Variants in GDAP1 observed in about 807,000 individuals in gnomAD.
GDAP1 encodes ganglioside induced differentiation associated protein 1.
A neutral mutation model predicts 40.1 loss-of-function variants in GDAP1; 34 were observed. The ratio of observed to expected loss-of-function variants is 0.85; its 90% confidence interval spans 0.64 to 1.13. The LOEUF (loss-of-function observed/expected upper bound fraction) is 1.13. GDAP1 is among the 50% of genes most tolerant of loss of function. GDAP1 has a pLI of 0.00. For missense variants in GDAP1, 374 were observed against 433.7 expected, an observed-to-expected ratio of 0.86 and a Z score of 1.22; for synonymous variants, 170 against 157.4, an observed-to-expected ratio of 1.08 and a Z score of -0.60.
chr8:74,437,836 C>T (rs1806111920), intron 2 of GDAP1, among the ~76,000 whole-genome samples: 2 of 152,048 alleles, frequency 1.3e-5, no homozygotes, highest in Admixed American at 6.6e-5. Flanking sequence ...TATGAATATA[C>T]TCGAATATAT....
intron 2 of GDAP1, among the ~76,000 whole-genome samples, chr8:74,441,241 C>T (rs1387633183): frequency 1.3e-5 from 2 of 152,128 alleles, no homozygotes; most frequent in Non-Finnish European, 2.9e-5. Context: ...CACTTTCCTT[C>T]AGGACATTGT....
chr8:74,440,545 A>G (rs1040217090), intron 2 of GDAP1, among the ~76,000 whole-genome samples: 1 of 150,840 alleles, frequency 6.6e-6, no homozygotes, highest in Non-Finnish European at 1.5e-5. Context: ...TATCTCTCGT[A>G]TTATTGAGTC....
chr8:74,373,501 TTTA>T (rs1367600570), intron 2 of GDAP1, among the ~76,000 whole-genome samples: 13 of 152,198 alleles, frequency 8.5e-5, no homozygotes, highest in African/African-American at 2.9e-4. Flanking sequence ...TCCTAGGTAT[TTTA>T]TTCTCTTTGA....
At chr8:74,360,104 T>C in intron 2 of GDAP1, 33 bp from the exon 3 acceptor site, 3 of 1,558,110 alleles carry the variant, frequency 1.9e-6, no homozygotes, top group Non-Finnish European at 2.7e-6. Flanking sequence ...CATGTGTAAC[T>C]TTTTCTTCAA....
downstream of GDAP1, among the ~76,000 whole-genome samples, chr8:74,370,171 G>T (rs1809724091): frequency 6.6e-6 from 1 of 152,136 alleles, no homozygotes; most frequent in Admixed American, 6.5e-5. Flanking sequence ...CAAATAATGG[G>T]TACATATAAA....
At chr8:74,395,475 A>G (rs1206747678) in intron 2 of GDAP1, among the ~76,000 whole-genome samples, 4 of 152,172 alleles carry the variant, frequency 2.6e-5, no homozygotes, top group Non-Finnish European at 4.4e-5. Flanking sequence ...GAAATAATCA[A>G]TCCCTTTGTA....
intron 2 of GDAP1, among the ~76,000 whole-genome samples, chr8:74,458,143 A>G (rs769364582): frequency 6.6e-5 from 10 of 152,108 alleles, no homozygotes; most frequent in Non-Finnish European, 1.5e-4. Flanking sequence ...CTATTCTTAA[A>G]GAATTTTATT....
In GDAP1 at chr8:74,364,641, A is replaced by G; in HGVS notation, c.*274A>G. 2 of 561,288 alleles carry G rather than the reference A, an allele frequency of 3.6e-6. No individual in the cohort carries two copies. Among genetic ancestry groups the G allele is most frequent in the East Asian group, 8.3e-5 (2 of 24,154 alleles). 34.8% of individuals were successfully genotyped at this position (561,288 alleles called of 1,614,324 possible). On this transcript the variant is annotated 3_prime_UTR_variant, in exon 6 of 6. Transcript: ENST00000220822. ...AGTCTGTATAGGGTAGAGCAATAGAAAGTAAGCTTCGGGTGCCTCCAACGT... is the reference window on the plus strand; with the variant it reads ...AGTCTGTATAGGGTAGAGCAATAGAGAGTAAGCTTCGGGTGCCTCCAACGT...
chr8:74,422,489 C>T (rs1057504025), intron 2 of GDAP1, among the ~76,000 whole-genome samples: 3 of 72,834 alleles, frequency 4.1e-5, no homozygotes, highest in Non-Finnish European at 7.7e-5. Flanking sequence ...TCCCTCCCTC[C>T]TTTCTCCTTC....
chr8:74,446,315 A>G, intron 2 of GDAP1, among the ~76,000 whole-genome samples: 1 of 152,130 alleles, frequency 6.6e-6, no homozygotes, highest in Non-Finnish European at 1.5e-5. Context: ...AACAGAAAAA[A>G]TCCTTTTCTT....
At chr8:74,465,765 T>C (rs1363238733) in intron 2 of GDAP1, among the ~76,000 whole-genome samples, 2 of 143,514 alleles carry the variant, frequency 1.4e-5, no homozygotes, top group South Asian at 2.4e-4. Context: ...TTCAGTTCTT[T>C]AATCACACCA....
At chr8:74,353,789 A>G (rs1285305283) in intron 2 of GDAP1, among the ~76,000 whole-genome samples, 2 of 152,208 alleles carry the variant, frequency 1.3e-5, no homozygotes, top group Non-Finnish European at 2.9e-5. Flanking sequence ...GAATACTGCT[A>G]TAAATTAGTG....
At chr8:74,360,979 C>T (rs1809332765) in intron 3 of GDAP1, among the ~76,000 whole-genome samples, 1 of 152,092 alleles carries the variant, frequency 6.6e-6, no homozygotes, top group Admixed American at 6.5e-5. Context: ...CCATGTGTTC[C>T]CCATTATGTG....
intron 2 of GDAP1, among the ~76,000 whole-genome samples, chr8:74,484,851 A>T (rs1040422603): frequency 4.4e-4 from 67 of 152,180 alleles, no homozygotes; most frequent in African/African-American, 1.4e-3. Context: ...TATCCCCTAT[A>T]CAGTAAGTCA....
intron 2 of GDAP1, among the ~76,000 whole-genome samples, chr8:74,482,119 T>TTG (rs1491520772): frequency 7.1e-5 from 5 of 70,754 alleles, no homozygotes; most frequent in Non-Finnish European, 1.2e-4. Flanking sequence ...GGTTTTTTTT[T>TTG]GGGGGGGGGG....
chr8:74,463,068 A>G (rs1252104739), intron 2 of GDAP1, among the ~76,000 whole-genome samples: 3 of 61,518 alleles, frequency 4.9e-5, no homozygotes, highest in Non-Finnish European at 1.0e-4. Context: ...TTAAGGCAAT[A>G]AGTTACGGCA....
rs1280403305 is a variant in GDAP1 at position 74,410,449 on chromosome 8, A to C, written c.165+59128A>C. On this transcript the variant is annotated intron_variant, in intron 2 of 2. Transcript: ENST00000523640. The stretch of plus-strand genomic sequence containing the variant: ...AATATTAGACAAGACATAATTAAAA[A>C]TAGTTATTTACAGTTCAGTATTAGA... Among the ~76,000 whole-genome samples, 3 of 150,258 alleles carry C rather than the reference A, an allele frequency of 2.0e-5. 1 individual carries two copies. Among genetic ancestry groups the C allele is most frequent in the African/African-American group, 7.6e-5 (3 of 39,532 alleles).
At chr8:74,413,065 C>CTAAAA in intron 2 of GDAP1, among the ~76,000 whole-genome samples, 1 of 57,156 alleles carries the variant, frequency 1.7e-5, no homozygotes, top group Non-Finnish European at 2.7e-5. Flanking sequence ...GACTCTGTCT[C>CTAAAA]AAAAAAAAAA....
In GDAP1 at chr8:74,365,414, G is replaced by A. The variant is rs1002213444; in HGVS notation, c.*1047G>A. The A allele has an allele frequency of 6.6e-6, 3 of 453,328 alleles. No individual in the cohort carries two copies. In the Middle Eastern group the frequency reaches 2.0e-3, roughly 309 times the overall value. The allele number at this position is 453,328 out of a possible 1,614,324, so 28.1% of individuals were successfully genotyped here. On this transcript the variant is annotated 3_prime_UTR_variant, in exon 6 of 6. Transcript: ENST00000220822. ...GATGTATGTTTAAGGGATTTGGGGG[G>A]GATACCTCAGTTCATGTGGAAGGGA...
Sources: gnomAD v4.1 joint callset for allele counts (sites outside exome capture counted in the v4.1 genomes callset) on GRCh38, gnomAD v4.1.1 for gene constraint, MANE v1.5 for transcripts, NCBI Gene and HGNC (gene_info 2026-07-23, HGNC 2026-07-21) for gene names.